Variants in POFUT2 observed in about 807,000 individuals in gnomAD.
POFUT2 encodes the protein protein O-fucosyltransferase 2, also known as GDP-fucose protein O-fucosyltransferase 2.
POFUT2 carries 30 observed loss-of-function variants against 55.0 expected under a neutral mutation model. That is an observed-to-expected ratio of 0.55 (90% CI 0.41 to 0.74). POFUT2 has a LOEUF of 0.74. POFUT2 is among the 30% of genes least tolerant of loss of function. The probability of loss-of-function intolerance (pLI) is 0.00; values close to 1 mark genes in which losing one functional copy is unlikely to be tolerated. For missense variants in POFUT2, 524 were observed against 562.6 expected (o/e 0.93, Z 0.69); for synonymous variants, 267 against 231.1 (o/e 1.16, Z -1.41).
rs983751901 is a variant in POFUT2, at chr21:45,282,870, C to T, written c.528-411G>A. On this transcript the variant is annotated intron_variant, in intron 3 of 8. Transcript: ENST00000349485. The surrounding 1 kb of genome is among the most constrained non-coding windows in gnomAD (Gnocchi z 4.6). Reference sequence around the variant, plus strand: ...GGAGGCTGTTAACTGACAGCTTTTCCACAGGAGGCCTGGTAGTGTCAGAGC... The same window carrying T: ...GGAGGCTGTTAACTGACAGCTTTTCTACAGGAGGCCTGGTAGTGTCAGAGC... 4.2e-6 allele frequency: 2 copies of T among 477,910 alleles called. No individual in the cohort carries two copies. Among genetic ancestry groups the T allele is most frequent in the Non-Finnish European group, 8.6e-6 (2 of 232,040 alleles). 29.6% of individuals were successfully genotyped at this position (477,910 alleles called of 1,614,324 possible).
chr21:45,285,393 C>T lies in POFUT2; in HGVS notation c.382+285G>A, dbSNP rs553205499. On this transcript the variant is annotated intron_variant, in intron 2 of 8. Coordinates refer to ENST00000349485, the MANE Select transcript of POFUT2 (RefSeq NM_133635.6). The surrounding 1 kb of genome is among the most constrained non-coding windows in gnomAD (Gnocchi z 4.9). ...TGTCACTATAACACCCAGGGGTGGC[C>T]GCTTTCTTAGGGTGTAAGGGCGGCT... 8.4e-5 allele frequency: 36 copies of T among 430,390 alleles called. No homozygotes were observed. The highest frequency in any genetic ancestry group is 1.4e-4 in the African/African-American group (7 of 49,758). 26.7% of individuals were successfully genotyped at this position (430,390 alleles called of 1,614,324 possible).
At position 45,265,290 on chromosome 21, in the gene POFUT2, G is replaced by A; in HGVS notation, c.*192C>T. ...CGAGAGCAGCGGAGCCTCTTCATCA[G>A]CCATGGCGGCTGGCAACGCCGAGGA... On this transcript the variant is annotated 3_prime_UTR_variant, in exon 9 of 9. Coordinates refer to ENST00000349485, the MANE Select transcript of POFUT2 (RefSeq NM_133635.6). This position sits in a 1 kb window ranked among gnomAD's most constrained non-coding sequence, Gnocchi z 4.6. 1 of 450,784 alleles carries A rather than the reference G, an allele frequency of 2.2e-6. No individual in the cohort carries two copies. Among genetic ancestry groups the A allele is most frequent in the South Asian group, 5.4e-5 (1 of 18,436 alleles). 27.9% of individuals were successfully genotyped at this position (450,784 alleles called of 1,614,324 possible). A position where few individuals can be genotyped will look rare whatever the true frequency, so the allele number is the denominator to read the frequency against.
intron 7 of POFUT2, among the ~76,000 whole-genome samples, chr21:45,268,668 G>A (rs1263594110): frequency 6.6e-6 from 1 of 150,904 alleles, no homozygotes; most frequent in African/African-American, 2.4e-5. Flanking sequence ...GCCTCTGCCT[G>A]GCCACGACCC....
At chr21:45,283,313 G>GGA in intron 3 of POFUT2, 70 bp downstream of exon 3, 2 of 792,264 alleles carry the variant, frequency 2.5e-6, no homozygotes, top group Non-Finnish European at 3.6e-6. Flanking sequence ...TGAGGCGGGG[G>GGA]GGGGGGGACG....
At chr21:45,269,238 T>C (rs2093194620) in intron 7 of POFUT2, among the ~76,000 whole-genome samples, 1 of 151,260 alleles carries the variant, frequency 6.6e-6, no homozygotes, top group Non-Finnish European at 1.5e-5. Flanking sequence ...CCGCCCCTAC[T>C]GGGAAGTGAA....
At chr21:45,266,371 C>CTG in intron 8 of POFUT2, 2 of 1,271,480 alleles carry the variant, frequency 1.6e-6, no homozygotes, top group Non-Finnish European at 1.0e-6. Flanking sequence ...CCTCACCACC[C>CTG]CACACACAGG....
chr21:45,286,536 ACTC>A (rs1270060019), intron 1 of POFUT2, among the ~76,000 whole-genome samples: 1 of 152,088 alleles, frequency 6.6e-6, no homozygotes, highest in Non-Finnish European at 1.5e-5. Context: ...TTCTAGGAAA[ACTC>A]CACAGTGCAT....
At chr21:45,283,563 G>C in intron 2 of POFUT2, 36 bp from the exon 3 acceptor site, 1 of 1,609,410 alleles carries the variant, frequency 6.2e-7, no homozygotes, top group Non-Finnish European at 8.5e-7. Flanking sequence ...CAGTGTGACA[G>C]CGATCAGAAG....
intron 1 of POFUT2, 39 bp downstream of exon 1, chr21:45,287,702 C>A: frequency 9.0e-7 from 1 of 1,115,622 alleles, no homozygotes; most frequent in Non-Finnish European, 1.1e-6. Context: ...CCTGCCCGGT[C>A]CTGGAACCCC....
chr21:45,265,261 C>A lies in POFUT2; in HGVS notation c.*221G>T, dbSNP rs1414205364. On this transcript the variant is annotated 3_prime_UTR_variant, in exon 9 of 9. Transcript: ENST00000349485. The surrounding 1 kb of genome is among the most constrained non-coding windows in gnomAD (Gnocchi z 4.6). ...AGACGCTGCCTGAAAACAACCGCCA[C>A]CCCCGAGAGCAGCGGAGCCTCTTCA... 7.4e-6 allele frequency: 3 copies of A among 406,212 alleles called. No individual in the cohort carries two copies. Among genetic ancestry groups the A allele is most frequent in the Non-Finnish European group, 4.4e-6 (1 of 229,568 alleles). 25.2% of individuals were successfully genotyped at this position (406,212 alleles called of 1,614,324 possible). A position where few individuals can be genotyped will look rare whatever the true frequency, so the allele number is the denominator to read the frequency against.
At chr21:45,286,185 A>G (rs1450439206) in intron 1 of POFUT2, among the ~76,000 whole-genome samples, 2 of 152,216 alleles carry the variant, frequency 1.3e-5, no homozygotes, top group Admixed American at 6.5e-5. Flanking sequence ...CAGTGACTGG[A>G]ACCCAAGAAT....
chr21:45,266,732 TAGC>T, intron 8 of POFUT2: 1 of 997,908 alleles, frequency 1.0e-6, no homozygotes, highest in Non-Finnish European at 1.2e-6. Flanking sequence ...CCACAGGAAA[TAGC>T]AGATGTGTGA....
chr21:45,287,728 G>A lies in POFUT2; in HGVS notation c.131+13C>T, dbSNP rs759718345. 1 of 1,438,940 alleles carries A rather than the reference G, an allele frequency of 6.9e-7. No homozygotes were observed. The highest frequency in any genetic ancestry group is 1.4e-5 in the South Asian group (1 of 70,114). 89.1% of individuals were successfully genotyped at this position (1,438,940 alleles called of 1,614,324 possible). A position where few individuals can be genotyped will look rare whatever the true frequency, so the allele number is the denominator to read the frequency against. On this transcript the variant is annotated intron_variant, in intron 1 of 8. Transcript: ENST00000349485. The stretch of plus-strand genomic sequence containing the variant: ...CTGGAACCCCAGCGTTGGCACCGTG[G>A]ACGCGCGTTTACCGTCTGCGGGAAG...
intron 6 of POFUT2, among the ~76,000 whole-genome samples, chr21:45,275,851 AAAC>A (rs1221371409): frequency 2.0e-5 from 3 of 151,886 alleles, no homozygotes; most frequent in Non-Finnish European, 4.4e-5. Flanking sequence ...CCATGTAACC[AAAC>A]ACCACCTGCT....
Position 45,284,414 on chromosome 21 carries a change from A to G in POFUT2, c.383-887T>C, listed in dbSNP as rs1466572088. 6.6e-6 allele frequency among the ~76,000 whole-genome samples: 1 copy of G among 152,200 alleles called. No homozygotes were observed. The highest frequency in any genetic ancestry group is 6.5e-5 in the Admixed American group (1 of 15,290). On this transcript the variant is annotated intron_variant, in intron 2 of 8. Coordinates refer to ENST00000349485, the MANE Select transcript of POFUT2 (RefSeq NM_133635.6). The surrounding 1 kb of genome is among the most constrained non-coding windows in gnomAD (Gnocchi z 5.8). ...GCACGCTGGGCGCTATGTCAGCCAC[A>G]TCAGGAGCTCACCGTGTGCAGTCTC... is the stretch of plus-strand genomic sequence containing the variant.
Position 45,267,653 on chromosome 21 carries a change from T to C in POFUT2, c.1073A>G (p.Glu358Gly). The change falls in exon 8 of 9, where the codon GAG (glutamate) becomes GGG (glycine). Residue 358 changes from glutamate (E) to glycine (G), a missense_variant. Glu to Gly is a moderately conservative substitution (Grantham distance 98). Coordinates refer to ENST00000349485, the MANE Select transcript of POFUT2 (RefSeq NM_133635.6). The surrounding 1 kb of genome is among the most constrained non-coding windows in gnomAD (Gnocchi z 4.4). ...GCCTCCGTCCTTGTAGAGCTCCAGC[T>C]CCTCCCACGTGGGTTCAAACCTCAC... ...EMVRFEPTWE[E>G]LELYKDGGVA... is the part of the protein sequence containing the mutation. 1 of 1,614,116 alleles carries C rather than the reference T, an allele frequency of 6.2e-7. No individual in the cohort carries two copies. Among genetic ancestry groups the C allele is most frequent in the Non-Finnish European group, 8.5e-7 (1 of 1,180,018 alleles).
chr21:45,271,985 T>C (rs538127001), intron 6 of POFUT2, among the ~76,000 whole-genome samples: 15 of 152,020 alleles, frequency 9.9e-5, no homozygotes, highest in African/African-American at 2.9e-4. Context: ...AACAACGCAA[T>C]GAAAAAGAAA....
Position 45,277,057 on chromosome 21 carries a change from GCGT to G in POFUT2, c.788_790del (p.Asp263del). On this transcript the variant is annotated inframe_deletion, in exon 6 of 9. Transcript: ENST00000349485. The surrounding 1 kb of genome is among the most constrained non-coding windows in gnomAD (Gnocchi z 6.9). ...GTCCTCCTGGAAGGGGATCCTGTCT[GCGT>G]CGTCCGTGGAGTTGAGATGTCTGCT... The G allele has an allele frequency of 6.2e-7, 1 of 1,614,120 alleles. No homozygotes were observed. The highest frequency in any genetic ancestry group is 1.7e-5 in the Admixed American group (1 of 60,024).
Position 45,285,203 on chromosome 21 carries a change from G to A in POFUT2, c.382+475C>T. The A allele has an allele frequency of 5.4e-6, 1 of 184,690 alleles. No homozygotes were observed. Among genetic ancestry groups the A allele is most frequent in the Admixed American group, 5.6e-5 (1 of 17,940 alleles). 11.4% of individuals were successfully genotyped at this position (184,690 alleles called of 1,614,324 possible). Reference sequence around the variant, plus strand: ...GCTCTAAATACCTTCATTCTAAGAAGAGCTTTAATTCTTCTCTTAAAATTA... The same window carrying A: ...GCTCTAAATACCTTCATTCTAAGAAAAGCTTTAATTCTTCTCTTAAAATTA... On this transcript the variant is annotated intron_variant, in intron 2 of 8. Coordinates refer to ENST00000349485, the MANE Select transcript of POFUT2 (RefSeq NM_133635.6). This position sits in a 1 kb window ranked among gnomAD's most constrained non-coding sequence, Gnocchi z 4.9.
Sources: gnomAD v4.1 joint callset for allele counts (sites outside exome capture counted in the v4.1 genomes callset) on GRCh38, gnomAD v4.1.1 for gene constraint, Gnocchi (gnomAD v3.1) non-coding constraint, MANE v1.5 for transcripts, NCBI Gene and HGNC (gene_info 2026-07-23, HGNC 2026-07-21) for gene names.